The following TTC19 variants were observed in gnomAD, a reference collection of about 807,000 sequenced individuals.
TTC19 encodes tetratricopeptide repeat protein 19, mitochondrial.
A neutral mutation model predicts 49.5 loss-of-function variants in TTC19; 38 were observed. That is an observed-to-expected ratio of 0.77 (90% CI 0.59 to 1.01). The LOEUF (loss-of-function observed/expected upper bound fraction) is 1.01. Among genes scored for constraint, TTC19 ranks in the 50% least tolerant of loss-of-function variants. TTC19 has a pLI of 0.00. For synonymous variants in TTC19, 204 were observed against 185.2 expected, an observed-to-expected ratio of 1.10 and a Z score of -0.83; for missense variants, 475 against 477.7, an observed-to-expected ratio of 0.99 and a Z score of 0.05.
At chr17:16,004,682 C>G (rs1970843322) in intron 6 of TTC19, among the ~76,000 whole-genome samples, 1 of 152,208 alleles carries the variant, frequency 6.6e-6, no homozygotes, top group Non-Finnish European at 1.5e-5. Flanking sequence ...AAGCAGAGAA[C>G]TCCTCTAGAG....
downstream of TTC19, among the ~76,000 whole-genome samples, chr17:16,033,212 G>A (rs1972679110): frequency 6.6e-6 from 1 of 151,890 alleles, no homozygotes; most frequent in African/African-American, 2.4e-5. Context: ...GTGCATGCCT[G>A]TAATCCCAGC....
intron 2 of TTC19, chr17:16,044,443 A>G (rs1284281970): frequency 2.1e-6 from 1 of 471,974 alleles, no homozygotes; most frequent in Non-Finnish European, 4.4e-6. Flanking sequence ...TTCTTTTGAC[A>G]GGATCAGGAG....
At chr17:16,030,946 C>T (rs1971869540), downstream of TTC19, 1 of 195,646 alleles carries the variant, frequency 5.1e-6, no homozygotes, top group South Asian at 1.9e-4. Context: ...TCTGTTTCTC[C>T]CCTTTCCAGT....
chr17:16,035,288 C>T (rs966913837), intron 2 of TTC19, among the ~76,000 whole-genome samples: 7 of 152,174 alleles, frequency 4.6e-5, no homozygotes, highest in African/African-American at 1.7e-4. Flanking sequence ...CACAGTAGAA[C>T]TTTCAAAATT....
intron 7 of TTC19, 38 bp downstream of exon 7, chr17:16,006,606 C>T: frequency 7.6e-7 from 1 of 1,308,200 alleles, no homozygotes; most frequent in Non-Finnish European, 1.1e-6. Context: ...CTTTTCTCCA[C>T]AAAAGGCTTT....
At chr17:16,044,748 G>T in exon 3 of TTC19, 2 of 797,100 alleles carry the variant, frequency 2.5e-6, no homozygotes, top group Non-Finnish European at 2.2e-6. Flanking sequence ...GAACCTTTTT[G>T]GTCCAGCTTG....
At chr17:16,000,353 G>C (rs1235218516) in intron 2 of TTC19, 108 bp downstream of exon 2, 3 of 1,530,566 alleles carry the variant, frequency 2.0e-6, no homozygotes, top group Non-Finnish European at 2.6e-6. Context: ...AGTGGATGGA[G>C]GCTCCGCGGG....
intron 3 of TTC19, among the ~76,000 whole-genome samples, chr17:16,002,328 T>TTTAGC (rs1192095837): frequency 6.6e-6 from 1 of 152,050 alleles, no homozygotes; most frequent in Non-Finnish European, 1.5e-5. Flanking sequence ...CAGGCATGCA[T>TTTAGC]CACTATGCCT....
Position 16,028,120 on chromosome 17 carries a change from T to C in TTC19, c.*598T>C, listed in dbSNP as rs1971642335. 4.4e-6 allele frequency: 2 copies of C among 454,026 alleles called. No homozygotes were observed. The highest frequency in any genetic ancestry group is 1.6e-5 in the South Asian group (1 of 64,476). The allele number at this position is 454,026 out of a possible 1,614,324, so 28.1% of individuals were successfully genotyped here. A position where few individuals can be genotyped will look rare whatever the true frequency, so the allele number is the denominator to read the frequency against. On this transcript the variant is annotated 3_prime_UTR_variant, in exon 10 of 10. Transcript: ENST00000261647. ...AGGCACGTGACAGTATAGCACCCAT[T>C]TGAATTTAAATAAAAGTGAACCATA...
At chr17:16,040,824 A>G (rs1414418950) in intron 2 of TTC19, 1 of 297,984 alleles carries the variant, frequency 3.4e-6, no homozygotes, top group East Asian at 8.1e-5. Flanking sequence ...GAGCATAGGA[A>G]TTTGAGGCCA....
intron 2 of TTC19, among the ~76,000 whole-genome samples, chr17:16,035,870 T>C (rs2056254331): frequency 6.6e-6 from 1 of 152,058 alleles, no homozygotes; most frequent in South Asian, 2.1e-4. Context: ...ACACCTGCAG[T>C]GACTCCCTCC....
In TTC19 at chr17:16,035,771, G is replaced by A. The variant is rs116359271; in HGVS notation, c.248-8732G>A. 9.1e-3 allele frequency among the ~76,000 whole-genome samples: 1,384 copies of A among 151,942 alleles called. 25 individuals are homozygous for A. Among genetic ancestry groups the A allele is most frequent in the African/African-American group, 0.031 (1,295 of 41,430 alleles). The stretch of plus-strand genomic sequence containing the variant: ...TGCCCAGGTTGGTCTCAAACTCCTG[G>A]GTTCAAGTGATTCTACTGCCTCAGC... On this transcript the variant is annotated intron_variant, in intron 2 of 2. Coordinates refer to the TTC19 transcript ENST00000470649.
At chr17:16,034,976 A>AT in intron 2 of TTC19, 7 of 1,599,842 alleles carry the variant, frequency 4.4e-6, no homozygotes, top group Non-Finnish European at 5.1e-6. Context: ...AAGTATTAAT[A>AT]TATTAAGTTC....
rs58206797 is a variant in TTC19 at position 16,006,827 on chromosome 17, T to C, written c.676+259T>C. On this transcript the variant is annotated intron_variant, in intron 7 of 9. Coordinates refer to ENST00000261647, the MANE Select transcript of TTC19 (RefSeq NM_017775.4). ...ATTTATTTGTTAACTTTTAGTTACATATAACTTAAGGAAAATTGGGGAGCA... is the reference window on the plus strand; with the variant it reads ...ATTTATTTGTTAACTTTTAGTTACACATAACTTAAGGAAAATTGGGGAGCA... Among the ~76,000 whole-genome samples, 4,829 of 152,248 alleles carry C rather than the reference T, an allele frequency of 0.032. 260 individuals carry two copies. The highest frequency in any genetic ancestry group is 0.11 in the African/African-American group (4,570 of 41,526).
At chr17:16,014,168 T>C (rs568662320) in intron 7 of TTC19, among the ~76,000 whole-genome samples, 6 of 152,338 alleles carry the variant, frequency 3.9e-5, no homozygotes, top group Admixed American at 1.3e-4. Flanking sequence ...ATGTTTCTCA[T>C]AGGATCAAGG....
At chr17:16,034,127 C>T (rs536095671), downstream of TTC19, among the ~76,000 whole-genome samples, 1 of 152,320 alleles carries the variant, frequency 6.6e-6, no homozygotes, top group African/African-American at 2.4e-5. Flanking sequence ...CATTCAGGTA[C>T]AGTTCTCAAA....
Position 16,006,471 on chromosome 17 carries a change from C to T in TTC19, c.582-3C>T, listed in dbSNP as rs1970912477. On this transcript the variant is annotated splice_polypyrimidine_tract_variant and splice_region_variant and intron_variant, in intron 6 of 9. Transcript: ENST00000261647. ...ATGGCTGATTATTGATTTTGCTTTACAGACAGGAATTTGCTGTTGCTGGCT... is the reference window on the plus strand; with the variant it reads ...ATGGCTGATTATTGATTTTGCTTTATAGACAGGAATTTGCTGTTGCTGGCT... 1.9e-6 allele frequency: 3 copies of T among 1,600,128 alleles called. No homozygotes were observed. The highest frequency in any genetic ancestry group is 2.6e-6 in the Non-Finnish European group (3 of 1,167,966).
Position 16,028,497 on chromosome 17 carries a change from T to C in TTC19, c.*975T>C. On this transcript the variant is annotated 3_prime_UTR_variant, in exon 10 of 10. Coordinates refer to ENST00000261647, the MANE Select transcript of TTC19 (RefSeq NM_017775.4). ...TCTTTCTTAGCTGTGGGGGAAGGTA[T>C]TTGGTTAGATGACTTTGAATGAATA... 2.2e-6 allele frequency: 1 copy of C among 454,074 alleles called. No homozygotes were observed. Among genetic ancestry groups the C allele is most frequent in the Non-Finnish European group, 4.4e-6 (1 of 226,768 alleles). 28.1% of individuals were successfully genotyped at this position (454,074 alleles called of 1,614,324 possible).
chr17:16,032,434 A>G (rs760884846), downstream of TTC19: 2 of 1,613,272 alleles, frequency 1.2e-6, no homozygotes, highest in Non-Finnish European at 1.7e-6. Context: ...TTGGTGGAGT[A>G]CTGCTGAGCA....
Sources: gnomAD v4.1 joint callset for allele counts (sites outside exome capture counted in the v4.1 genomes callset) on GRCh38, gnomAD v4.1.1 for gene constraint, MANE v1.5 for transcripts, NCBI Gene and HGNC (gene_info 2026-07-23, HGNC 2026-07-21) for gene names.